GLT1D1: variants seen among roughly 807,000 people sequenced by gnomAD.
GLT1D1 encodes the protein glycosyltransferase 1 domain containing 1.
Under a neutral mutation model 28.7 loss-of-function variants are expected in GLT1D1, and 21 were observed. The ratio of observed to expected loss-of-function variants is 0.73; its 90% CI spans 0.52 to 1.05. The LOEUF (loss-of-function observed/expected upper bound fraction) is 1.05, where lower values mean the gene tolerates loss of function less well. GLT1D1 is among the 50% of genes least tolerant of loss of function. The pLI, the probability that GLT1D1 is intolerant of heterozygous loss-of-function variation, is 0.00. For missense variants in GLT1D1, 343 were observed against 330.6 expected, an observed-to-expected ratio of 1.04 and a Z score of -0.29; for synonymous variants, 147 against 124.8, an observed-to-expected ratio of 1.18 and a Z score of -1.19.
At chr12:128,961,830 C>A (rs922048513) in intron 7 of GLT1D1, among the ~76,000 whole-genome samples, 1 of 152,182 alleles carries the variant, frequency 6.6e-6, no homozygotes, top group South Asian at 2.1e-4. Flanking sequence ...CATCCCTTAG[C>A]CCAGGCACAC....
At chr12:128,939,137 T>G (rs1441636748) in intron 4 of GLT1D1, among the ~76,000 whole-genome samples, 1 of 151,656 alleles carries the variant, frequency 6.6e-6, no homozygotes, top group African/African-American at 2.4e-5. Flanking sequence ...TGGTGAGGAG[T>G]GTGGCTGCTG....
At position 128,881,569 on chromosome 12, in the gene GLT1D1, T is replaced by A. The variant is rs1295518855; in HGVS notation, c.217+5507T>A. ...AAAAAAAAAAAAAAAAAAATATATA[T>A]ATATATATATATATATATATATATA... On this transcript the variant is annotated intron_variant, in intron 2 of 7. Transcript: ENST00000281703. 8.3e-3 allele frequency among the ~76,000 whole-genome samples: 643 copies of A among 77,596 alleles called. 2 individuals carry two copies. Among genetic ancestry groups the A allele is most frequent in the African/African-American group, 0.022 (323 of 15,010 alleles). 50.9% of individuals were successfully genotyped at this position (77,596 alleles called of 152,430 possible). A position where few individuals can be genotyped will look rare whatever the true frequency, so the allele number is the denominator to read the frequency against.
intron 7 of GLT1D1, among the ~76,000 whole-genome samples, chr12:128,968,730 G>A (rs1253714451): frequency 6.6e-6 from 1 of 152,118 alleles, no homozygotes; most frequent in Non-Finnish European, 1.5e-5. Flanking sequence ...CCTGCCTGGG[G>A]GTTGTGATTG....
chr12:128,870,820 A>G (rs540820038), intron 1 of GLT1D1, among the ~76,000 whole-genome samples: 3 of 151,254 alleles, frequency 2.0e-5, no homozygotes, highest in South Asian at 4.2e-4. Flanking sequence ...GTGAAACTCC[A>G]TCTCTACTAA....
intron 7 of GLT1D1, among the ~76,000 whole-genome samples, chr12:128,980,161 G>A (rs117243548): frequency 9.9e-4 from 151 of 152,292 alleles, no homozygotes; most frequent in African/African-American, 2.2e-3. Context: ...GCCACATCCC[G>A]GGACCTTTGC....
chr12:128,967,510 G>T (rs1021898745), intron 7 of GLT1D1, among the ~76,000 whole-genome samples: 1 of 152,174 alleles, frequency 6.6e-6, no homozygotes, highest in African/African-American at 2.4e-5. Context: ...ATGCACTATT[G>T]CCTCTCCCTT....
intron 4 of GLT1D1, among the ~76,000 whole-genome samples, chr12:128,941,374 C>T (rs1240353939): frequency 1.3e-5 from 2 of 150,670 alleles, no homozygotes; most frequent in Non-Finnish European, 3.0e-5. Flanking sequence ...CCTTCTGCAT[C>T]ATTTAAGCAA....
intron 4 of GLT1D1, among the ~76,000 whole-genome samples, chr12:128,908,479 CT>C (rs1442427860): frequency 2.1e-5 from 3 of 141,342 alleles, no homozygotes; most frequent in Admixed American, 7.3e-5. Flanking sequence ...TTCCTTCTTT[CT>C]TTTTTTCTTT....
chr12:128,982,182 G>C (rs138001005), intron 7 of GLT1D1, among the ~76,000 whole-genome samples: 61 of 152,212 alleles, frequency 4.0e-4, no homozygotes, highest in African/African-American at 1.4e-3. Context: ...GGCCAGAAAA[G>C]CAAAGAGCTG....
intron 3 of GLT1D1, among the ~76,000 whole-genome samples, chr12:128,897,700 G>A (rs11060002): frequency 0.12 from 18,630 of 151,730 alleles, 1,242 homozygotes; most frequent in South Asian, 0.22. Flanking sequence ...ACAGAGTCTC[G>A]CTCTGTTGCC....
intron 6 of GLT1D1, among the ~76,000 whole-genome samples, chr12:128,954,103 A>C (rs920733703): frequency 6.8e-6 from 1 of 147,878 alleles, no homozygotes; most frequent in African/African-American, 2.5e-5. Flanking sequence ...TCCTAAGGTC[A>C]CCTGTTTTTT....
chr12:128,942,758 T>G (rs1177965436), intron 4 of GLT1D1, among the ~76,000 whole-genome samples: 1 of 21,094 alleles, frequency 4.7e-5, no homozygotes, highest in Non-Finnish European at 1.3e-4. Flanking sequence ...TGTTTTTTGT[T>G]TTTTTTTTTT....
chr12:128,939,359 C>T (rs1041319600), intron 4 of GLT1D1, among the ~76,000 whole-genome samples: 1 of 149,378 alleles, frequency 6.7e-6, no homozygotes, highest in Non-Finnish European at 1.5e-5. Context: ...GTCAGGAGTT[C>T]GAGACCAGCC....
intron 7 of GLT1D1, among the ~76,000 whole-genome samples, chr12:128,966,757 G>A (rs1181745188): frequency 6.6e-6 from 1 of 151,556 alleles, no homozygotes; most frequent in Non-Finnish European, 1.5e-5. Context: ...GAGCTTATGA[G>A]GACAGCCTAC....
chr12:128,855,431 G>A (rs1196760854), intron 1 of GLT1D1, among the ~76,000 whole-genome samples: 1 of 151,770 alleles, frequency 6.6e-6, no homozygotes, highest in Non-Finnish European at 1.5e-5. Context: ...CTGATGTGGT[G>A]TGTGCATGCC....
At chr12:128,853,884 C>G (rs1956136323) in intron 1 of GLT1D1, among the ~76,000 whole-genome samples, 1 of 152,176 alleles carries the variant, frequency 6.6e-6, no homozygotes, top group Non-Finnish European at 1.5e-5. Context: ...TGGCCTCGCG[C>G]TCTCCGGAGG....
chr12:128,956,171 A>AAAAAAAAAAAAACAAAAAAAGAG (rs374597920), intron 6 of GLT1D1, among the ~76,000 whole-genome samples: 1 of 63,942 alleles, frequency 1.6e-5, no homozygotes, highest in Non-Finnish European at 3.5e-5. Context: ...AAAAAAAAAA[A>AAAAAAAAAAAAACAAAAAAAGAG]AGAGAAAGAG....
chr12:128,929,451 C>T (rs753570904), intron 4 of GLT1D1, among the ~76,000 whole-genome samples: 11 of 152,226 alleles, frequency 7.2e-5, no homozygotes, highest in African/African-American at 4.8e-5. Context: ...GTTCTGTTTC[C>T]GGTCCCTAAA....
At chr12:128,894,881 T>A (rs1869453411) in intron 3 of GLT1D1, among the ~76,000 whole-genome samples, 3 of 135,510 alleles carry the variant, frequency 2.2e-5, no homozygotes, top group Admixed American at 8.8e-5. Context: ...TATTAAAAAT[T>A]ATATATATAT....
Sources: gnomAD v4.1 joint callset for allele counts (sites outside exome capture counted in the v4.1 genomes callset) on GRCh38, gnomAD v4.1.1 for gene constraint, MANE v1.5 for transcripts, NCBI Gene and HGNC (gene_info 2026-07-23, HGNC 2026-07-21) for gene names.